The following GRIN2A variants were observed in gnomAD, a reference collection of about 807,000 sequenced individuals.
The protein encoded by GRIN2A is glutamate ionotropic receptor NMDA type subunit 2A, also known as glutamate receptor ionotropic, NMDA 2A.
Under a neutral mutation model 113.4 loss-of-function variants are expected in GRIN2A, and 22 were observed. The ratio of observed to expected loss-of-function variants is 0.19; its 90% CI spans 0.14 to 0.28. The LOEUF (loss-of-function observed/expected upper bound fraction) is 0.28, where lower values mean the gene tolerates loss of function less well. GRIN2A is among the 10% of genes least tolerant of loss of function. The pLI, the probability that GRIN2A is intolerant of heterozygous loss-of-function variation, is 1.00. For missense variants in GRIN2A, 1,502 were observed against 1,887.0 expected (o/e 0.80, Z 3.78); for synonymous variants, 827 against 738.4 (o/e 1.12, Z -1.94).
At chr16:9,886,985 T>C (rs2043598163) in intron 4 of GRIN2A, among the ~76,000 whole-genome samples, 3 of 152,150 alleles carry the variant, frequency 2.0e-5, no homozygotes, top group African/African-American at 7.2e-5. Context: ...CCTCCCAGGT[T>C]CAAGTGATTC....
At chr16:10,120,919 T>C (rs2048820966) in intron 2 of GRIN2A, among the ~76,000 whole-genome samples, 1 of 152,042 alleles carries the variant, frequency 6.6e-6, no homozygotes, top group African/African-American at 2.4e-5. Flanking sequence ...CCCCTGATCC[T>C]TCCTAACTTC....
At chr16:9,958,993 G>A (rs1248154360) in intron 2 of GRIN2A, among the ~76,000 whole-genome samples, 1 of 152,144 alleles carries the variant, frequency 6.6e-6, no homozygotes, top group African/African-American at 2.4e-5. Context: ...GCTAATTTAT[G>A]TTGAATCAGA....
rs547387519 is a variant in GRIN2A, at chr16:9,758,964, C to G, written c.*4185G>C. On this transcript the variant is annotated 3_prime_UTR_variant, in exon 13 of 13. Coordinates refer to ENST00000330684, the MANE Select transcript of GRIN2A (RefSeq NM_001134407.3). ...AAGCAACACATTTAGCTTCCACCTACTCAAACTTCTTTTTCTTTGAGTCCA... is the reference window on the plus strand; with the variant it reads ...AAGCAACACATTTAGCTTCCACCTAGTCAAACTTCTTTTTCTTTGAGTCCA... 2.2e-5 allele frequency: 5 copies of G among 222,358 alleles called. No homozygotes were observed. In the Admixed American group the frequency reaches 2.9e-4, roughly 13 times the overall value. 13.8% of individuals were successfully genotyped at this position (222,358 alleles called of 1,614,324 possible).
chr16:9,830,510 T>C (rs2042472747), intron 8 of GRIN2A, among the ~76,000 whole-genome samples: 1 of 149,990 alleles, frequency 6.7e-6, no homozygotes, highest in Non-Finnish European at 1.5e-5. Flanking sequence ...AATCAACTGA[T>C]GCCCTAATTT....
At position 10,053,316 on chromosome 16, in the gene GRIN2A, G is replaced by A. The variant is rs78040949; in HGVS notation, c.415-114765C>T. Among the ~76,000 whole-genome samples, 1,195 of 152,298 alleles carry A rather than the reference G, an allele frequency of 7.8e-3. 15 individuals are homozygous for A. Among genetic ancestry groups the A allele is most frequent in the African/African-American group, 0.027 (1,129 of 41,556 alleles). On this transcript the variant is annotated intron_variant, in intron 2 of 12. Transcript: ENST00000330684. Reference sequence around the variant, plus strand: ...AGGACCTTAAATGTCAGGCTAAAAGGAAGATAATATATTTTGTTGAACATC... The same window carrying A: ...AGGACCTTAAATGTCAGGCTAAAAGAAAGATAATATATTTTGTTGAACATC...
chr16:9,986,520 C>A (rs1342546229), intron 2 of GRIN2A, among the ~76,000 whole-genome samples: 1 of 151,882 alleles, frequency 6.6e-6, no homozygotes, highest in Non-Finnish European at 1.5e-5. Flanking sequence ...ATCCCAGCAC[C>A]TTGAGGGGCC....
At chr16:10,152,697 C>T (rs2049607204) in intron 2 of GRIN2A, among the ~76,000 whole-genome samples, 1 of 152,186 alleles carries the variant, frequency 6.6e-6, no homozygotes, top group African/African-American at 2.4e-5. Context: ...GGTCAGAACT[C>T]TCCCCATAGC....
At chr16:10,120,076 A>G (rs555610852) in intron 2 of GRIN2A, among the ~76,000 whole-genome samples, 64 of 152,316 alleles carry the variant, frequency 4.2e-4, no homozygotes, top group African/African-American at 1.5e-3. Context: ...AATTATTTAT[A>G]TTCCTTTGGG....
At chr16:9,786,430 T>C (rs886107048) in intron 11 of GRIN2A, among the ~76,000 whole-genome samples, 1 of 152,124 alleles carries the variant, frequency 6.6e-6, no homozygotes, top group African/African-American at 2.4e-5. Context: ...TCCTTCACCA[T>C]GAACAATGGA....
chr16:9,825,969 A>G (rs1185938175), intron 9 of GRIN2A, among the ~76,000 whole-genome samples: 2 of 150,584 alleles, frequency 1.3e-5, no homozygotes, highest in Non-Finnish European at 3.0e-5. Context: ...TGATGGAAGG[A>G]GTAGGAGGAG....
rs187488063 is a variant in GRIN2A at position 10,054,370 on chromosome 16, T to A, written c.415-115819A>T. 1.9e-3 allele frequency among the ~76,000 whole-genome samples: 291 copies of A among 152,328 alleles called. 2 individuals are homozygous for A. The highest frequency in any genetic ancestry group is 6.6e-3 in the African/African-American group (273 of 41,572). On this transcript the variant is annotated intron_variant, in intron 2 of 12. Transcript: ENST00000330684. ...TAGATTCCGTTTTACATCTATCATA[T>A]AAGCAAAAATGAACAGGACTAATAC...
At chr16:10,127,989 TC>T (rs1285357355) in intron 2 of GRIN2A, among the ~76,000 whole-genome samples, 2 of 151,964 alleles carry the variant, frequency 1.3e-5, no homozygotes, top group Non-Finnish European at 2.9e-5. Context: ...GAGCTCAACC[TC>T]CAGAGGACCT....
intron 2 of GRIN2A, among the ~76,000 whole-genome samples, chr16:10,076,921 G>A (rs1452462882): frequency 6.6e-6 from 1 of 152,194 alleles, no homozygotes; most frequent in Admixed American, 6.5e-5. Flanking sequence ...AAGGGGACTT[G>A]GCAAATGTGA....
At chr16:9,906,779 A>C (rs1380024275) in intron 3 of GRIN2A, among the ~76,000 whole-genome samples, 4 of 152,218 alleles carry the variant, frequency 2.6e-5, no homozygotes, top group Non-Finnish European at 4.4e-5. Context: ...ATCATTTTGC[A>C]CTTTTTTGTG....
intron 2 of GRIN2A, among the ~76,000 whole-genome samples, chr16:9,947,663 G>A (rs922199900): frequency 6.6e-6 from 1 of 152,172 alleles, no homozygotes; most frequent in Admixed American, 6.5e-5. Flanking sequence ...GAGTCTGTAT[G>A]TTCCTGTTAT....
chr16:9,879,024 G>A (rs975344880), intron 4 of GRIN2A, among the ~76,000 whole-genome samples: 6 of 152,250 alleles, frequency 3.9e-5, no homozygotes, highest in Non-Finnish European at 5.9e-5. Flanking sequence ...GTCACTATGC[G>A]TGACTCTAGG....
In GRIN2A at chr16:10,039,949, CAG is replaced by C. The variant is rs2047121929; in HGVS notation, c.415-101400_415-101399del. Reference sequence around the variant, plus strand: ...CATGCAAACACACACAACCCACAAACAGCACAACCCACAAAAACACACAATAC... The same window carrying C: ...CATGCAAACACACACAACCCACAAACCACAACCCACAAAAACACACAATAC... On this transcript the variant is annotated intron_variant, in intron 2 of 12. Transcript: ENST00000330684. Among the ~76,000 whole-genome samples, 7 of 116,544 alleles carry C rather than the reference CAG, an allele frequency of 6.0e-5. No homozygotes were observed. The South Asian group carries it at 2.3e-3, about 38-fold the overall frequency. 76.5% of individuals were successfully genotyped at this position (116,544 alleles called of 152,430 possible). A position where few individuals can be genotyped will look rare whatever the true frequency, so the allele number is the denominator to read the frequency against.
At chr16:9,871,355 G>C (rs1414871660) in intron 4 of GRIN2A, among the ~76,000 whole-genome samples, 2 of 150,680 alleles carry the variant, frequency 1.3e-5, no homozygotes. Flanking sequence ...GAAGACACTT[G>C]TCTCTAAAAC....
At chr16:10,048,284 C>T (rs117784828) in intron 2 of GRIN2A, among the ~76,000 whole-genome samples, 107 of 152,222 alleles carry the variant, frequency 7.0e-4, no homozygotes, top group Middle Eastern at 3.4e-3. Context: ...ACTTAGTAAG[C>T]CCTATGTAAG....
Sources: allele counts gnomAD v4.1 joint callset (sites outside exome capture counted in the v4.1 genomes callset), GRCh38; gene constraint gnomAD v4.1.1; transcripts MANE v1.5; gene names NCBI Gene and HGNC (gene_info 2026-07-23, HGNC 2026-07-21).